TRPC5: variants seen among roughly 807,000 people sequenced by gnomAD.
The protein encoded by TRPC5 is short transient receptor potential channel 5.
Under a neutral mutation model 56.5 loss-of-function variants are expected in TRPC5, and 9 were observed. That is an observed-to-expected ratio of 0.16 (90% CI 0.10 to 0.28). TRPC5 has a LOEUF of 0.28. Among genes scored for constraint, TRPC5 ranks in the 10% least tolerant of loss-of-function variants. The probability of loss-of-function intolerance (pLI) is 1.00; values close to 1 mark genes in which losing one functional copy is unlikely to be tolerated. For missense variants in TRPC5, 469 were observed against 748.9 expected, an observed-to-expected ratio of 0.63 and a Z score of 4.36; for synonymous variants, 282 against 278.5, an observed-to-expected ratio of 1.01 and a Z score of -0.13.
chrX:111,962,231 A>G (rs944285805), intron 1 of TRPC5, among the ~76,000 whole-genome samples: 1 of 111,977 alleles, frequency 8.9e-6, no homozygotes, highest in African/African-American at 3.2e-5. Context: ...AAATAAAATT[A>G]AAAAAAGAAA....
At chrX:112,034,893 A>G (rs1396757743) in intron 1 of TRPC5, among the ~76,000 whole-genome samples, 15 of 106,691 alleles carry the variant, frequency 1.4e-4, no homozygotes, top group African/African-American at 5.1e-4. Context: ...ATTTGTCAAT[A>G]TTGTTGATCT....
At position 111,991,661 on chromosome X, in the gene TRPC5, C is replaced by G. The variant is rs1383267870; in HGVS notation, c.-21-39220G>C. On this transcript the variant is annotated intron_variant, in intron 1 of 10. Transcript: ENST00000262839. ...GCTCCTGCACATCATTTTCTAAAAA[C>G]CTGGCAGCAATCTATCACACCTAGG... 2.7e-5 allele frequency among the ~76,000 whole-genome samples: 3 copies of G among 112,110 alleles called. No individual in the cohort carries two copies. In the Admixed American group the frequency reaches 2.8e-4, roughly 11 times the overall value.
At chrX:111,868,181 GA>G (rs1265308229) in intron 3 of TRPC5, among the ~76,000 whole-genome samples, 1 of 111,266 alleles carries the variant, frequency 9.0e-6, no homozygotes, top group African/African-American at 3.3e-5. Context: ...AGGAGGCAAT[GA>G]AAAAAAAGGG....
intron 6 of TRPC5, among the ~76,000 whole-genome samples, chrX:111,838,748 C>T (rs1922641608): frequency 9.0e-6 from 1 of 111,527 alleles, no homozygotes; most frequent in Non-Finnish European, 1.9e-5. Flanking sequence ...AGAACTTGCA[C>T]ATGTTGGGAG....
chrX:111,826,296 G>A (rs761791920), intron 7 of TRPC5, among the ~76,000 whole-genome samples: 90 of 112,240 alleles, frequency 8.0e-4, no homozygotes, highest in Non-Finnish European at 1.4e-3. Context: ...ACAACTTACA[G>A]CACCTAGCTC....
chrX:111,812,323 T>C (rs931466334), intron 7 of TRPC5, among the ~76,000 whole-genome samples: 9 of 111,123 alleles, frequency 8.1e-5, no homozygotes, highest in African/African-American at 2.9e-4. Flanking sequence ...GTGCCCCTCA[T>C]TGCACCCACT....
chrX:112,022,759 T>C (rs1334381302), intron 1 of TRPC5, among the ~76,000 whole-genome samples: 1 of 111,800 alleles, frequency 8.9e-6, no homozygotes, highest in Non-Finnish European at 1.9e-5. Flanking sequence ...AACATGTTAA[T>C]GGCCAGGGGA....
In TRPC5 at chrX:112,045,619, A is replaced by T. The variant is rs779088047; in HGVS notation, c.-22+36260T>A. 2.7e-5 allele frequency among the ~76,000 whole-genome samples: 3 copies of T among 112,432 alleles called. No individual in the cohort carries two copies. The South Asian group carries it at 1.1e-3, about 41-fold the overall frequency. On this transcript the variant is annotated intron_variant, in intron 1 of 10. Transcript: ENST00000262839. ...CAAATTGACAGATGTGTAAAACATG[A>T]ATTATTATACATTTGCAAGGAGTAA...
At chrX:112,060,678 C>T (rs886607717) in intron 1 of TRPC5, among the ~76,000 whole-genome samples, 2 of 111,540 alleles carry the variant, frequency 1.8e-5, no homozygotes, top group Non-Finnish European at 1.9e-5. Context: ...ACTTCCCAAG[C>T]GAAGTTCTTA....
intron 1 of TRPC5, among the ~76,000 whole-genome samples, chrX:112,080,395 TACACACAC>T (rs201063739): frequency 0.022 from 1,704 of 79,139 alleles, 50 homozygotes; most frequent in African/African-American, 0.072. Flanking sequence ...AAAAACTACA[TACACACAC>T]ACACACACAC....
chrX:111,874,812 ACATT>A (rs1334648245), intron 3 of TRPC5, among the ~76,000 whole-genome samples: 2 of 112,702 alleles, frequency 1.8e-5, no homozygotes, highest in African/African-American at 6.4e-5. Flanking sequence ...GAATACAGCC[ACATT>A]CATTTGTTTA....
At chrX:112,002,105 C>A (rs1303152211) in intron 1 of TRPC5, among the ~76,000 whole-genome samples, 1 of 107,050 alleles carries the variant, frequency 9.3e-6, no homozygotes, top group Non-Finnish European at 1.9e-5. Context: ...CTCCTCCACA[C>A]ATTTTTTTCT....
At chrX:111,981,666 A>G (rs1490605773) in intron 1 of TRPC5, among the ~76,000 whole-genome samples, 2 of 111,814 alleles carry the variant, frequency 1.8e-5, no homozygotes, top group African/African-American at 6.5e-5. Context: ...GTACAACTGA[A>G]AATTCACTAA....
intron 1 of TRPC5, among the ~76,000 whole-genome samples, chrX:112,011,118 C>G (rs1350292994): frequency 9.0e-6 from 1 of 111,501 alleles, no homozygotes; most frequent in African/African-American, 3.3e-5. Flanking sequence ...AGCTAGACAC[C>G]ATGTACATGG....
chrX:111,921,458 T>C (rs752851886), intron 2 of TRPC5, among the ~76,000 whole-genome samples: 11 of 111,208 alleles, frequency 9.9e-5, no homozygotes, highest in Non-Finnish European at 1.9e-4. Flanking sequence ...TTTTTTTTTT[T>C]TGAAATTATC....
At chrX:112,058,251 G>A (rs1392844727) in intron 1 of TRPC5, among the ~76,000 whole-genome samples, 1 of 112,315 alleles carries the variant, frequency 8.9e-6, no homozygotes, top group Non-Finnish European at 1.9e-5. Context: ...GCCAGGATGA[G>A]AAGCAAGCCA....
chrX:112,001,402 G>C (rs60388252), intron 1 of TRPC5, among the ~76,000 whole-genome samples: 1,902 of 112,001 alleles, frequency 0.017, 36 homozygotes, highest in African/African-American at 0.058. Flanking sequence ...AATTACATAA[G>C]TTAAGAATGC....
intron 7 of TRPC5, among the ~76,000 whole-genome samples, chrX:111,794,722 C>A (rs780601049): frequency 9.0e-6 from 1 of 111,113 alleles, no homozygotes; most frequent in Non-Finnish European, 1.9e-5. Context: ...CTTGCTGTAA[C>A]CTCATATGGT....
intron 1 of TRPC5, among the ~76,000 whole-genome samples, chrX:111,991,733 A>G (rs1053953316): frequency 1.8e-5 from 2 of 112,241 alleles, no homozygotes; most frequent in Non-Finnish European, 3.8e-5. Context: ...AAAAAAATGA[A>G]TTTAGCTGCT....
Sources: gnomAD v4.1 joint callset for allele counts (sites outside exome capture counted in the v4.1 genomes callset) on GRCh38, gnomAD v4.1.1 for gene constraint, MANE v1.5 for transcripts, NCBI Gene and HGNC (gene_info 2026-07-23, HGNC 2026-07-21) for gene names.